Variants in ERCC3 observed in about 807,000 individuals in gnomAD.
The protein encoded by ERCC3 is general transcription and DNA repair factor IIH helicase/translocase subunit XPB.
ERCC3 carries 66 observed loss-of-function variants against 94.2 expected under a neutral mutation model. The ratio of observed to expected loss-of-function variants is 0.70; its 90% CI spans 0.57 to 0.86. The LOEUF is 0.86. Ranked by LOEUF, ERCC3 falls within the 40% of genes least tolerant of loss-of-function variation. The pLI is 0.00. For missense variants in ERCC3, 829 were observed against 987.1 expected (o/e 0.84, Z 2.15); for synonymous variants, 349 against 369.1 (o/e 0.95, Z 0.63).
Position 127,277,762 on chromosome 2 carries a change from C to A in ERCC3, c.1730+1411G>T, listed in dbSNP as rs566461902. 4.3e-4 allele frequency among the ~76,000 whole-genome samples: 66 copies of A among 152,122 alleles called. No individual in the cohort carries two copies. The highest frequency in any genetic ancestry group is 1.6e-3 in the African/African-American group (65 of 41,498). ...TACTTACACAGTCAAAATAATGTAA[C>A]TGAATATTAAAGTAACCCCCAACTT... On this transcript the variant is annotated intron_variant, in intron 10 of 14. Coordinates refer to ENST00000285398, the MANE Select transcript of ERCC3 (RefSeq NM_000122.2). The surrounding 1 kb of genome is among the most constrained non-coding windows in gnomAD (Gnocchi z 5.1).
At position 127,257,405 on chromosome 2, in the gene ERCC3, G is replaced by A. The variant is rs1369324659; in HGVS notation, c.*191C>T. ...TCCCCAAAAAGTTTGAAAAAATATTGTCTCCTCCTCCTTTATAAAACCCTA... is the reference window on the plus strand; with the variant it reads ...TCCCCAAAAAGTTTGAAAAAATATTATCTCCTCCTCCTTTATAAAACCCTA... On this transcript the variant is annotated 3_prime_UTR_variant, in exon 15 of 15. Coordinates refer to ENST00000285398, the MANE Select transcript of ERCC3 (RefSeq NM_000122.2). The surrounding 1 kb of genome is among the most constrained non-coding windows in gnomAD (Gnocchi z 5.4). 1.4e-6 allele frequency: 1 copy of A among 701,202 alleles called. No individual in the cohort carries two copies. The highest frequency in any genetic ancestry group is 2.5e-6 in the Non-Finnish European group (1 of 393,052). 43.4% of individuals were successfully genotyped at this position (701,202 alleles called of 1,614,324 possible). A position where few individuals can be genotyped will look rare whatever the true frequency, so the allele number is the denominator to read the frequency against.
Position 127,291,142 on chromosome 2 carries a change from T to C in ERCC3, c.472-869A>G, listed in dbSNP as rs1193286664. On this transcript the variant is annotated intron_variant, in intron 3 of 14. Coordinates refer to ENST00000285398, the MANE Select transcript of ERCC3 (RefSeq NM_000122.2). The surrounding 1 kb of genome is among the most constrained non-coding windows in gnomAD (Gnocchi z 4.9). ...TTGAGGGGCTGCCTATCCCCGCTGT[T>C]GTCCCTGATCCACCACTACAGTGCA... Among the ~76,000 whole-genome samples, 1 of 152,168 alleles carries C rather than the reference T, an allele frequency of 6.6e-6. No homozygotes were observed. Among genetic ancestry groups the C allele is most frequent in the Admixed American group, 6.5e-5 (1 of 15,270 alleles).
Position 127,258,525 on chromosome 2 carries a change from G to A in ERCC3, c.2217+771C>T, listed in dbSNP as rs1304109999. Among the ~76,000 whole-genome samples, 1 of 152,180 alleles carries A rather than the reference G, an allele frequency of 6.6e-6. No homozygotes were observed. Among genetic ancestry groups the A allele is most frequent in the African/African-American group, 2.4e-5 (1 of 41,454 alleles). ...GCACTCTCCTGGGTTCCCATGGAGA[G>A]TGCCCCCTGGGTCGGGGGAGGAAAG... On this transcript the variant is annotated intron_variant, in intron 14 of 14. Coordinates refer to ENST00000285398, the MANE Select transcript of ERCC3 (RefSeq NM_000122.2). The surrounding 1 kb of genome is among the most constrained non-coding windows in gnomAD (Gnocchi z 4.1).
chr2:127,292,766 C>G lies in ERCC3; in HGVS notation c.315G>C (p.Glu105Asp), dbSNP rs201698871. Residue 105 changes from glutamate to aspartate, a missense_variant, in exon 3 of 15, where the codon GAG (glutamate) becomes GAC (aspartate). Coordinates refer to ENST00000285398, the MANE Select transcript of ERCC3 (RefSeq NM_000122.2). ...GCACATGGGTTGGTCGGCACACTGG[C>G]TCTGCAATAGCCACCAAGAAGTCTT... ...YAQDFLVAIA[E>D]PVCRPTHVHE... 1.2e-6 allele frequency: 2 copies of G among 1,613,770 alleles called. No individual in the cohort carries two copies. Among genetic ancestry groups the G allele is most frequent in the Non-Finnish European group, 1.7e-6 (2 of 1,180,012 alleles).
chr2:127,294,089 ACAGCAGC>A lies in ERCC3; in HGVS notation c.-15_-9del. 1.9e-6 allele frequency: 3 copies of A among 1,607,448 alleles called. No individual in the cohort carries two copies. The highest frequency in any genetic ancestry group is 2.5e-6 in the Non-Finnish European group (3 of 1,179,490). On this transcript the variant is annotated 5_prime_UTR_variant, in exon 1 of 15. The change abolishes the stop of an existing upstream ORF in the 5' untranslated region. Coordinates refer to ENST00000285398, the MANE Select transcript of ERCC3 (RefSeq NM_000122.2). ...TCGGTCTCTTTTGCCCATGGCAGCT[ACAGCAGC>A]AGAGAGAAGATGACCCCGCTCCCAC... is the stretch of plus-strand genomic sequence containing the variant.
At chr2:127,287,711 A>G (rs997494015) in intron 7 of ERCC3, among the ~76,000 whole-genome samples, 2 of 152,220 alleles carry the variant, frequency 1.3e-5, no homozygotes, top group South Asian at 4.1e-4. Context: ...CAGTGAAGCT[A>G]CTGGGTCCCA....
At chr2:127,286,029 T>C (rs923876995) in intron 8 of ERCC3, among the ~76,000 whole-genome samples, 1 of 152,062 alleles carries the variant, frequency 6.6e-6, no homozygotes, top group African/African-American at 2.4e-5. Flanking sequence ...AGGGCTTCTA[T>C]TACATATTGA....
Position 127,261,317 on chromosome 2 carries a change from A to C in ERCC3, c.1975T>G (p.Phe659Val), listed in dbSNP as rs368498162. Residue 659 changes from phenylalanine to valine, a missense_variant, in exon 13 of 15, where the codon TTC becomes GTC. Phe to Val is a conservative substitution (Grantham distance 50, BLOSUM62 -1). Coordinates refer to ENST00000285398, the MANE Select transcript of ERCC3 (RefSeq NM_000122.2). ...GMVAEEYNAF[F>V]YSLVSQDTQE... is the part of the protein sequence containing the mutation. ...GTGTCCTGGGATACCAGTGAGTAGAAAAAGGCATTGTACTCTTCTGCAACC... is the reference window on the plus strand; with the variant it reads ...GTGTCCTGGGATACCAGTGAGTAGACAAAGGCATTGTACTCTTCTGCAACC... The C allele has an allele frequency of 6.2e-7, 1 of 1,612,260 alleles. No individual in the cohort carries two copies. Among genetic ancestry groups the C allele is most frequent in the Non-Finnish European group, 8.5e-7 (1 of 1,178,224 alleles).
Position 127,289,811 on chromosome 2 carries a change from T to C in ERCC3, c.535A>G (p.Ser179Gly). The C allele has an allele frequency of 1.2e-6, 2 of 1,614,114 alleles. No individual in the cohort carries two copies. The highest frequency in any genetic ancestry group is 1.7e-6 in the Non-Finnish European group (2 of 1,180,018). ...TGCTGGATTACATCAGGGTGGCAACTTTCAACGAAGTATCTGCAAGCAGGG... is the reference window on the plus strand; with the variant it reads ...TGCTGGATTACATCAGGGTGGCAACCTTCAACGAAGTATCTGCAAGCAGGG... ...VLKHNRYFVE[S>G]CHPDVIQHLL... is the part of the protein sequence containing the mutation. Residue 179 changes from serine to glycine, a missense_variant, in exon 5 of 15, where the codon AGT (serine) becomes GGT (glycine). Coordinates refer to ENST00000285398, the MANE Select transcript of ERCC3 (RefSeq NM_000122.2).
At chr2:127,289,534 A>G (rs1272099177) in intron 5 of ERCC3, 33 bp from the exon 6 acceptor site, 1 of 1,611,848 alleles carries the variant, frequency 6.2e-7, no homozygotes, top group Non-Finnish European at 8.5e-7. Context: ...ACGTGCACAC[A>G]ACATTTAATT....
chr2:127,291,524 G>C lies in ERCC3; in HGVS notation c.471+1086C>G, dbSNP rs992699365. The stretch of plus-strand genomic sequence containing the variant: ...GGTCCACCCACCTCAGCCACCCAAA[G>C]TGCTGGGATTACAGGAGTGAGCCAC... On this transcript the variant is annotated intron_variant, in intron 3 of 14. Coordinates refer to ENST00000285398, the MANE Select transcript of ERCC3 (RefSeq NM_000122.2). The surrounding 1 kb of genome is among the most constrained non-coding windows in gnomAD (Gnocchi z 4.9). 1.3e-5 allele frequency among the ~76,000 whole-genome samples: 2 copies of C among 152,050 alleles called. No homozygotes were observed. Among genetic ancestry groups the C allele is most frequent in the African/African-American group, 4.8e-5 (2 of 41,424 alleles).
Position 127,288,985 on chromosome 2 carries a change from G to C in ERCC3, c.823-121C>G, listed in dbSNP as rs555026542. On this transcript the variant is annotated intron_variant, in intron 6 of 14. Coordinates refer to ENST00000285398, the MANE Select transcript of ERCC3 (RefSeq NM_000122.2). ...CTATCTAAACTTCTACAAGATTTTA[G>C]ATCTTGCTCAGTCAACAACCGGGAT... is the stretch of plus-strand genomic sequence containing the variant. 6.8e-5 allele frequency: 60 copies of C among 877,054 alleles called. 2 individuals are homozygous for C. Among genetic ancestry groups the C allele is most frequent in the South Asian group, 4.6e-4 (34 of 74,244 alleles). 54.3% of individuals were successfully genotyped at this position (877,054 alleles called of 1,614,324 possible).
chr2:127,278,091 A>G (rs1282833165), intron 10 of ERCC3, among the ~76,000 whole-genome samples: 1 of 151,696 alleles, frequency 6.6e-6, no homozygotes, highest in Admixed American at 6.6e-5. Flanking sequence ...AACAAAAATT[A>G]GCTGGGTGTG....
At chr2:127,262,422 G>C (rs1311117633) in intron 12 of ERCC3, 2 of 152,328 alleles carry the variant, frequency 1.3e-5, no homozygotes, top group Non-Finnish European at 2.9e-5. Context: ...GAACCTGCGA[G>C]GCAGTGGTTG....
intron 12 of ERCC3, among the ~76,000 whole-genome samples, chr2:127,267,160 T>C (rs1383369876): frequency 1.3e-5 from 2 of 152,236 alleles, no homozygotes; most frequent in Non-Finnish European, 2.9e-5. Flanking sequence ...GTTAGTTTTC[T>C]GCCTCTATAA....
chr2:127,279,597 A>C lies in ERCC3; in HGVS notation c.1528-222T>G, dbSNP rs531660767. On this transcript the variant is annotated intron_variant, in intron 9 of 14. Coordinates refer to ENST00000285398, the MANE Select transcript of ERCC3 (RefSeq NM_000122.2). This position sits in a 1 kb window ranked among gnomAD's most constrained non-coding sequence, Gnocchi z 4.7. ...GCCAACACAGTGAAACCCAGTCTCT[A>C]CTAAAAATACAAAAATTAGCTGGGT... Among the ~76,000 whole-genome samples the C allele has an allele frequency of 2.6e-4, 40 of 152,260 alleles. No homozygotes were observed. In the South Asian group the frequency reaches 8.1e-3, roughly 31 times the overall value.
rs1230175361 is a variant in ERCC3, at chr2:127,293,856, C to A, written c.29-138G>T. Reference sequence around the variant, plus strand: ...CATCCCGCAGGCGTTGCGCCCCTCACCCGTCTCCCCTAGGCCGAGTTCGCT... The same window carrying A: ...CATCCCGCAGGCGTTGCGCCCCTCAACCGTCTCCCCTAGGCCGAGTTCGCT... On this transcript the variant is annotated intron_variant, in intron 1 of 14. Transcript: ENST00000285398. 9 of 1,559,652 alleles carry A rather than the reference C, an allele frequency of 5.8e-6. No homozygotes were observed. In the Admixed American group the frequency reaches 1.3e-4, roughly 23 times the overall value.
chr2:127,269,974 T>C (rs1209374967), intron 12 of ERCC3, among the ~76,000 whole-genome samples: 1 of 152,130 alleles, frequency 6.6e-6, no homozygotes, highest in African/African-American at 2.4e-5. Flanking sequence ...TGAGCCGAGA[T>C]TGTGCCACTG....
At position 127,264,832 on chromosome 2, in the gene ERCC3, T is replaced by G. The variant is rs551232292; in HGVS notation, c.1946-3486A>C. ...GAACTGAATACATCTGGTCCAGGACTTTTTTAGTTGGTAGATTTTTTTTTT... is the reference window on the plus strand; with the variant it reads ...GAACTGAATACATCTGGTCCAGGACGTTTTTAGTTGGTAGATTTTTTTTTT... On this transcript the variant is annotated intron_variant, in intron 12 of 14. Coordinates refer to ENST00000285398, the MANE Select transcript of ERCC3 (RefSeq NM_000122.2). This position sits in a 1 kb window ranked among gnomAD's most constrained non-coding sequence, Gnocchi z 4.4. 1.3e-5 allele frequency among the ~76,000 whole-genome samples: 2 copies of G among 151,968 alleles called. No individual in the cohort carries two copies. Among genetic ancestry groups the G allele is most frequent in the East Asian group, 3.8e-4 (2 of 5,196 alleles).
Sources: gnomAD v4.1 joint callset for allele counts (sites outside exome capture counted in the v4.1 genomes callset) on GRCh38, gnomAD v4.1.1 for gene constraint, Gnocchi (gnomAD v3.1) non-coding constraint, MANE v1.5 for transcripts, NCBI Gene and HGNC (gene_info 2026-07-23, HGNC 2026-07-21) for gene names.